The following CSMD1 variants were observed in gnomAD, a reference collection of about 807,000 sequenced individuals.
The protein encoded by CSMD1 is CUB and sushi domain-containing protein 1.
Under a neutral mutation model 417.5 loss-of-function variants are expected in CSMD1, and 213 were observed. That is an observed-to-expected ratio of 0.51 (90% CI 0.46 to 0.57). The LOEUF (loss-of-function observed/expected upper bound fraction) is 0.57. CSMD1 is among the 20% of genes least tolerant of loss of function. CSMD1 has a pLI of 0.00. For synonymous variants in CSMD1, 2,862 were observed against 1,736.8 expected (o/e 1.65, Z -16.11); for missense variants, 6,923 against 4,529.7 (o/e 1.53, Z -15.17).
chr8:3,738,348 G>C (rs1228323166), intron 6 of CSMD1, among the ~76,000 whole-genome samples: 1 of 152,158 alleles, frequency 6.6e-6, no homozygotes, highest in Non-Finnish European at 1.5e-5. Context: ...ATGCATACAG[G>C]CATTGGGGCC....
rs551326623 is a variant in CSMD1 at position 3,763,168 on chromosome 8, C to A, written c.819-9126G>T. On this transcript the variant is annotated intron_variant, in intron 5 of 69. Transcript: ENST00000635120. ...AGCCAAAGAGGTCTCTTCACCCACACTCCCAGAGCCCTAGGCCAGTCCCAC... is the reference window on the plus strand; with the variant it reads ...AGCCAAAGAGGTCTCTTCACCCACAATCCCAGAGCCCTAGGCCAGTCCCAC... Among the ~76,000 whole-genome samples, 88 of 152,326 alleles carry A rather than the reference C, an allele frequency of 5.8e-4. No individual in the cohort carries two copies. The South Asian group carries it at 0.013, about 23-fold the overall frequency.
At chr8:3,557,278 A>T (rs917180327) in intron 10 of CSMD1, among the ~76,000 whole-genome samples, 22 of 152,296 alleles carry the variant, frequency 1.4e-4, no homozygotes, top group African/African-American at 4.8e-4. Context: ...CGTGGCTTGG[A>T]GACAGCTGTA....
intron 2 of CSMD1, among the ~76,000 whole-genome samples, chr8:4,605,673 T>C (rs893292173): frequency 4.6e-5 from 7 of 152,348 alleles, no homozygotes; most frequent in Non-Finnish European, 7.3e-5. Flanking sequence ...CTTTAACATA[T>C]ACTTATACTT....
chr8:3,753,416 G>C (rs989617886), intron 6 of CSMD1, among the ~76,000 whole-genome samples: 1 of 152,144 alleles, frequency 6.6e-6, no homozygotes, highest in Non-Finnish European at 1.5e-5. Flanking sequence ...CTGTCCTAAT[G>C]ACTACAGACT....
At chr8:3,882,633 A>T (rs944849487) in intron 5 of CSMD1, among the ~76,000 whole-genome samples, 4 of 152,168 alleles carry the variant, frequency 2.6e-5, no homozygotes, top group African/African-American at 9.6e-5. Flanking sequence ...AAATTATGTA[A>T]TTGCCCTCAG....
intron 1 of CSMD1, among the ~76,000 whole-genome samples, chr8:4,648,712 C>T (rs1803691952): frequency 6.6e-6 from 1 of 152,264 alleles, no homozygotes; most frequent in Admixed American, 6.5e-5. Context: ...TGCTTTTCCT[C>T]AGTGTCTTTG....
chr8:3,524,899 A>AT (rs934263613), intron 10 of CSMD1, among the ~76,000 whole-genome samples: 5 of 152,220 alleles, frequency 3.3e-5, no homozygotes, highest in East Asian at 1.9e-4. Context: ...GGTGGAGTTA[A>AT]AAATAGTAAT....
chr8:3,339,360 T>C (rs898420531), intron 23 of CSMD1, among the ~76,000 whole-genome samples: 3 of 152,042 alleles, frequency 2.0e-5, no homozygotes, highest in Non-Finnish European at 2.9e-5. Context: ...CTCTTCTCTA[T>C]CAAAAAAGTG....
rs1563218307 is a variant in CSMD1, at chr8:3,926,104, C to CAA, written c.818+71798_818+71799insTT. ...CCATACACACACACACACACACACA[C>CAA]ACACACACACACACACACACACACA... On this transcript the variant is annotated intron_variant, in intron 5 of 69. Coordinates refer to ENST00000635120, the MANE Select transcript of CSMD1 (RefSeq NM_033225.6). Among the ~76,000 whole-genome samples, 107 of 41,640 alleles carry CAA rather than the reference C, an allele frequency of 2.6e-3. 8 individuals carry two copies. In the East Asian group the frequency reaches 0.047, roughly 18 times the overall value. The allele number at this position is 41,640 out of a possible 152,430, so 27.3% of individuals were successfully genotyped here.
chr8:3,306,779 T>G (rs1327601440), intron 25 of CSMD1, among the ~76,000 whole-genome samples: 1 of 152,086 alleles, frequency 6.6e-6, no homozygotes, highest in Admixed American at 6.5e-5. Context: ...CCTTTTGCCT[T>G]ATGTGCTATG....
intron 2 of CSMD1, among the ~76,000 whole-genome samples, chr8:4,454,502 T>A (rs898545060): frequency 2.0e-5 from 3 of 152,122 alleles, no homozygotes; most frequent in Non-Finnish European, 2.9e-5. Context: ...ACATATACAA[T>A]CCTTGGAAGC....
intron 2 of CSMD1, among the ~76,000 whole-genome samples, chr8:4,582,940 C>T (rs1025775666): frequency 1.8e-4 from 28 of 152,304 alleles, no homozygotes; most frequent in South Asian, 8.3e-4. Flanking sequence ...CCGGCCCTGC[C>T]GGCCCTGAGC....
At chr8:4,412,381 G>C (rs932061267) in intron 3 of CSMD1, among the ~76,000 whole-genome samples, 1 of 152,090 alleles carries the variant, frequency 6.6e-6, no homozygotes, top group Non-Finnish European at 1.5e-5. Flanking sequence ...CCTTGCTTCC[G>C]CATTTGCCAT....
intron 12 of CSMD1, among the ~76,000 whole-genome samples, chr8:3,415,855 T>C (rs1410219507): frequency 6.6e-6 from 1 of 152,222 alleles, no homozygotes; most frequent in Non-Finnish European, 1.5e-5. Context: ...CTATGTTGTT[T>C]AGAAACATAT....
chr8:3,127,894 GGAAT>G (rs1389615981), intron 41 of CSMD1: 26 of 135,664 alleles, frequency 1.9e-4, no homozygotes, highest in Non-Finnish European at 1.5e-4. Flanking sequence ...GAGGGAGGGA[GGAAT>G]GAAGGAAGGA....
intron 49 of CSMD1, among the ~76,000 whole-genome samples, chr8:3,083,638 ATATATATATATTTTTTTTTTTTTTTTTT>A (rs1814292315): frequency 4.6e-5 from 1 of 21,800 alleles, no homozygotes. Context: ...ATATATATAT[ATATATATATATTTTTTTTTTTTTTTTTT>A]TTTTTTTTTT....
At chr8:3,609,384 A>C (rs550194904) in intron 8 of CSMD1, among the ~76,000 whole-genome samples, 1 of 152,352 alleles carries the variant, frequency 6.6e-6, no homozygotes, top group African/African-American at 2.4e-5. Flanking sequence ...TCTTTTAGAC[A>C]GTGGTCTATG....
At chr8:4,652,042 G>A (rs972194693) in intron 1 of CSMD1, among the ~76,000 whole-genome samples, 17 of 152,276 alleles carry the variant, frequency 1.1e-4, no homozygotes, top group South Asian at 4.1e-4. Context: ...AGATACCTAT[G>A]AGCCATGATT....
chr8:4,165,085 G>A (rs553471437), intron 3 of CSMD1, among the ~76,000 whole-genome samples: 7 of 152,228 alleles, frequency 4.6e-5, no homozygotes, highest in African/African-American at 1.7e-4. Flanking sequence ...GGGTACAGAT[G>A]TGTGTTTAGA....
Sources: gnomAD v4.1 joint callset for allele counts (sites outside exome capture counted in the v4.1 genomes callset) on GRCh38, gnomAD v4.1.1 for gene constraint, MANE v1.5 for transcripts, NCBI Gene and HGNC (gene_info 2026-07-23, HGNC 2026-07-21) for gene names.